Variants in CACNA1B observed in about 807,000 individuals in gnomAD.
CACNA1B encodes calcium voltage-gated channel subunit alpha1 B.
A neutral mutation model predicts 247.2 loss-of-function variants in CACNA1B; 70 were observed. That is an observed-to-expected ratio of 0.28 (90% CI 0.23 to 0.35). The LOEUF is 0.35. Among genes scored for constraint, CACNA1B ranks in the 10% least tolerant of loss-of-function variants. The pLI is 1.00. For synonymous variants in CACNA1B, 1,231 were observed against 1,294.4 expected, an observed-to-expected ratio of 0.95 and a Z score of 1.05; for missense variants, 2,367 against 3,197.4, an observed-to-expected ratio of 0.74 and a Z score of 6.26.
intron 39 of CACNA1B, among the ~76,000 whole-genome samples, chr9:138,110,255 C>T (rs1035981889): frequency 6.6e-6 from 1 of 152,076 alleles, no homozygotes. Context: ...GCTGGGATTA[C>T]AGGCACATTT....
At chr9:138,069,647 C>T in intron 31 of CACNA1B, 111 bp from the exon 32 acceptor site, 1 of 787,492 alleles carries the variant, frequency 1.3e-6, no homozygotes, top group South Asian at 1.4e-5. Context: ...ATCCAACCAA[C>T]ATACAATGCG....
chr9:138,043,000 A>G (rs1375528662), intron 20 of CACNA1B, among the ~76,000 whole-genome samples: 5 of 152,214 alleles, frequency 3.3e-5, no homozygotes, highest in African/African-American at 9.6e-5. Flanking sequence ...GAGCTCTGTC[A>G]TCTATAAGAA....
At chr9:137,925,488 G>A (rs1374998273) in intron 6 of CACNA1B, among the ~76,000 whole-genome samples, 2 of 152,114 alleles carry the variant, frequency 1.3e-5, no homozygotes, top group African/African-American at 4.8e-5. Context: ...TTAGAAAATG[G>A]TATTGTATTT....
intron 12 of CACNA1B, among the ~76,000 whole-genome samples, chr9:137,978,736 A>G (rs1240106234): frequency 6.6e-6 from 1 of 152,098 alleles, no homozygotes. Flanking sequence ...CCTCACAAGG[A>G]CTCTCATTTT....
intron 10 of CACNA1B, among the ~76,000 whole-genome samples, chr9:137,967,704 C>G (rs771530032): frequency 1.3e-5 from 2 of 152,184 alleles, no homozygotes; most frequent in Non-Finnish European, 2.9e-5. Context: ...GTCTCTCTCT[C>G]TCATTTCCTG....
At position 137,957,556 on chromosome 9, in the gene CACNA1B, G is replaced by C. The variant is rs1284242010; in HGVS notation, c.1244-42G>C. 1 of 1,461,248 alleles carries C rather than the reference G, an allele frequency of 6.8e-7. No homozygotes were observed. The highest frequency in any genetic ancestry group is 9.3e-7 in the Non-Finnish European group (1 of 1,078,050). 90.5% of individuals were successfully genotyped at this position (1,461,248 alleles called of 1,614,324 possible). On this transcript the variant is annotated intron_variant, in intron 9 of 46. Transcript: ENST00000371372. This position sits in a 1 kb window ranked among gnomAD's most constrained non-coding sequence, Gnocchi z 4.7. ...CCCCGCTGAGGCAGGTGGCCTGAGG[G>C]CTGCAGCTCAGGCAGTCTCTCCCAT...
At chr9:138,000,158 G>GC (rs1958549894) in intron 15 of CACNA1B, among the ~76,000 whole-genome samples, 1 of 150,806 alleles carries the variant, frequency 6.6e-6, no homozygotes, top group Non-Finnish European at 1.5e-5. Flanking sequence ...GAGTGCAGTG[G>GC]TGCGATCTCG....
At chr9:138,090,670 A>G (rs1322544020) in intron 36 of CACNA1B, among the ~76,000 whole-genome samples, 1 of 146,162 alleles carries the variant, frequency 6.8e-6, no homozygotes, top group African/African-American at 2.5e-5. Flanking sequence ...ATTAATATCC[A>G]AAATATACAA....
chr9:137,980,831 CAT>C (rs1177040197), intron 12 of CACNA1B, among the ~76,000 whole-genome samples: 1 of 152,140 alleles, frequency 6.6e-6, no homozygotes, highest in Non-Finnish European at 1.5e-5. Flanking sequence ...CTGCAAAATA[CAT>C]GTTATTTTTT....
In CACNA1B at chr9:138,012,074, C is replaced by T. The variant is rs920021148; in HGVS notation, c.2161-1055C>T. Among the ~76,000 whole-genome samples, 15 of 152,216 alleles carry T rather than the reference C, an allele frequency of 9.9e-5. No individual in the cohort carries two copies. The highest frequency in any genetic ancestry group is 3.6e-4 in the African/African-American group (15 of 41,474). On this transcript the variant is annotated intron_variant, in intron 17 of 46. Coordinates refer to ENST00000371372, the MANE Select transcript of CACNA1B (RefSeq NM_000718.4). The surrounding 1 kb of genome is among the most constrained non-coding windows in gnomAD (Gnocchi z 4.2). ...GCCAGAGGGGGCAGAGGAAACTGCA[C>T]CTGCCTGCACATGTGCACATGCCCA...
chr9:137,941,398 G>A (rs1208426983), intron 6 of CACNA1B, among the ~76,000 whole-genome samples: 1 of 152,056 alleles, frequency 6.6e-6, no homozygotes, highest in Non-Finnish European at 1.5e-5. Context: ...ACCTCTACAA[G>A]GAAAACTACA....
intron 15 of CACNA1B, among the ~76,000 whole-genome samples, chr9:138,003,919 GC>G (rs1336439071): frequency 2.0e-5 from 3 of 151,900 alleles, no homozygotes; most frequent in Admixed American, 6.6e-5. Context: ...ACCACGCCTG[GC>G]CAGTGCTTTT....
chr9:138,082,514 T>C (rs1395415865), intron 36 of CACNA1B, among the ~76,000 whole-genome samples: 1 of 151,284 alleles, frequency 6.6e-6, no homozygotes, highest in African/African-American at 2.4e-5. Context: ...TTAGCTCCCT[T>C]TGATTGGCCA....
intron 36 of CACNA1B, among the ~76,000 whole-genome samples, chr9:138,088,801 A>G (rs1211303267): frequency 6.6e-6 from 1 of 151,534 alleles, no homozygotes; most frequent in Non-Finnish European, 1.5e-5. Context: ...AAAATACAAA[A>G]AAAAAAAATT....
rs201091904 is a variant in CACNA1B at position 138,124,193 on chromosome 9, A to G, written c.*2194A>G. The G allele has an allele frequency of 6.6e-6, 1 of 152,160 alleles. No homozygotes were observed. Among genetic ancestry groups the G allele is most frequent in the African/African-American group, 2.4e-5 (1 of 41,414 alleles). The allele number at this position is 152,160 out of a possible 1,614,324, so 9.4% of individuals were successfully genotyped here. On this transcript the variant is annotated 3_prime_UTR_variant, in exon 47 of 47. Coordinates refer to ENST00000371372, the MANE Select transcript of CACNA1B (RefSeq NM_000718.4). The stretch of plus-strand genomic sequence containing the variant: ...CCCTGAATCTCATAGTGAGCTGCCA[A>G]ATTTGAAGTGCATCACCCAGTTGTC...
At chr9:137,921,544 C>T (rs1346447090) in intron 6 of CACNA1B, among the ~76,000 whole-genome samples, 1 of 148,544 alleles carries the variant, frequency 6.7e-6, no homozygotes, top group East Asian at 2.1e-4. Flanking sequence ...ACCGTGACCG[C>T]ACAGCATCCT....
At chr9:138,033,715 CCTT>C in intron 20 of CACNA1B, among the ~76,000 whole-genome samples, 1 of 152,268 alleles carries the variant, frequency 6.6e-6, no homozygotes, top group Middle Eastern at 3.4e-3. Context: ...GAAGCAGGCA[CCTT>C]CTTCACAGGG....
At chr9:138,086,019 A>G (rs1960682912) in intron 36 of CACNA1B, among the ~76,000 whole-genome samples, 3 of 151,298 alleles carry the variant, frequency 2.0e-5, no homozygotes, top group Non-Finnish European at 4.4e-5. Context: ...AAACCTTACT[A>G]TTACAGAAAA....
intron 15 of CACNA1B, among the ~76,000 whole-genome samples, chr9:137,997,286 G>A (rs1479771002): frequency 6.6e-6 from 1 of 152,144 alleles, no homozygotes; most frequent in East Asian, 1.9e-4. Context: ...AAAATGCTTA[G>A]CAGATTACAG....
Sources: allele counts gnomAD v4.1 joint callset (sites outside exome capture counted in the v4.1 genomes callset), GRCh38; gene constraint gnomAD v4.1.1; non-coding constraint Gnocchi (gnomAD v3.1); transcripts MANE v1.5; gene names NCBI Gene and HGNC (gene_info 2026-07-23, HGNC 2026-07-21).